The following CDK13 variants were observed in gnomAD, a reference collection of about 807,000 sequenced individuals.
CDK13 encodes cyclin dependent kinase 13, also known as cyclin-dependent kinase 13.
Under a neutral mutation model 137.6 loss-of-function variants are expected in CDK13, and 40 were observed. The ratio of observed to expected loss-of-function variants is 0.29; its 90% CI spans 0.23 to 0.38. The LOEUF (loss-of-function observed/expected upper bound fraction) is 0.38, where lower values mean the gene tolerates loss of function less well. CDK13 is among the 10% of genes least tolerant of loss of function. The pLI, the probability that CDK13 is intolerant of heterozygous loss-of-function variation, is 1.00. For missense variants in CDK13, 1,704 were observed against 1,951.8 expected, an observed-to-expected ratio of 0.87 and a Z score of 2.39; for synonymous variants, 869 against 760.1, an observed-to-expected ratio of 1.14 and a Z score of -2.36.
intron 7 of CDK13, among the ~76,000 whole-genome samples, chr7:40,050,957 A>G (rs182386670): frequency 6.6e-6 from 1 of 152,326 alleles, no homozygotes; most frequent in African/African-American, 2.4e-5. Context: ...TTATAAAGCC[A>G]AATTTTATAT....
intron 9 of CDK13, chr7:40,073,582 T>TTC (rs766573581): frequency 6.7e-6 from 1 of 150,306 alleles, no homozygotes; most frequent in East Asian, 1.9e-4. Flanking sequence ...TTCTTTTTCT[T>TTC]TTTCTTTCTT....
At chr7:39,977,636 C>G (rs1784137786) in intron 1 of CDK13, among the ~76,000 whole-genome samples, 1 of 152,148 alleles carries the variant, frequency 6.6e-6, no homozygotes, top group Non-Finnish European at 1.5e-5. Context: ...CTAGGCCTGA[C>G]ACTTCCTATA....
chr7:40,086,623 A>T (rs1448175090), intron 11 of CDK13, among the ~76,000 whole-genome samples: 1 of 152,184 alleles, frequency 6.6e-6, no homozygotes, highest in Non-Finnish European at 1.5e-5. Flanking sequence ...AATTGTGGGC[A>T]GTTTTGATAG....
chr7:40,056,826 A>G (rs1235844061), intron 7 of CDK13, among the ~76,000 whole-genome samples: 2 of 152,202 alleles, frequency 1.3e-5, no homozygotes, highest in East Asian at 1.9e-4. Flanking sequence ...TCCACCCCCT[A>G]CTGTAAGGTT....
At chr7:39,998,634 A>T (rs1033684878) in intron 3 of CDK13, 32 of 151,918 alleles carry the variant, frequency 2.1e-4, no homozygotes, top group African/African-American at 7.3e-4. Flanking sequence ...AAAATAAGAT[A>T]AAATAAAATA....
chr7:40,082,660 G>A (rs953958263), intron 11 of CDK13, among the ~76,000 whole-genome samples: 29 of 151,544 alleles, frequency 1.9e-4, no homozygotes, highest in Admixed American at 4.6e-4. Flanking sequence ...GCATGGTGGC[G>A]TGTGCCTGTA....
chr7:40,018,888 GA>G (rs571665081), intron 5 of CDK13, among the ~76,000 whole-genome samples: 2 of 151,624 alleles, frequency 1.3e-5, no homozygotes, highest in Non-Finnish European at 2.9e-5. Flanking sequence ...TATTAAAATT[GA>G]AAAAAAATTT....
chr7:40,031,468 G>A (rs1338259826), intron 5 of CDK13, among the ~76,000 whole-genome samples: 1 of 152,004 alleles, frequency 6.6e-6, no homozygotes, highest in Non-Finnish European at 1.5e-5. Flanking sequence ...GCTGCAGTGA[G>A]CCGAGATCAT....
chr7:40,068,896 A>T (rs1217308667), intron 9 of CDK13, among the ~76,000 whole-genome samples: 1 of 152,030 alleles, frequency 6.6e-6, no homozygotes, highest in Non-Finnish European at 1.5e-5. Flanking sequence ...TTTCTAGTTT[A>T]TATATTTCAG....
At position 40,094,245 on chromosome 7, in the gene CDK13, A is replaced by G; in HGVS notation, c.3804A>G (p.Pro1268=). The G allele has an allele frequency of 6.2e-7, 1 of 1,612,840 alleles. No individual in the cohort carries two copies. The highest frequency in any genetic ancestry group is 8.5e-7 in the Non-Finnish European group (1 of 1,179,544). The change falls in exon 14 of 14, where the codon CCA becomes CCG. Residue 1268 remains proline, a synonymous_variant. Transcript: ENST00000181839. ...DQRPPEPPEP[P]PVTEEDLDYR... ...GACCTCCCGAGCCTCCTGAACCACC[A>G]CCAGTCACTGAGGAAGATCTAGATT... is the stretch of plus-strand genomic sequence containing the variant.
rs963953333 is a variant in CDK13 at position 40,095,706 on chromosome 7, A to T, written c.*726A>T. The T allele has an allele frequency of 6.6e-6, 1 of 152,184 alleles. No homozygotes were observed. Among genetic ancestry groups the T allele is most frequent in the Non-Finnish European group, 1.5e-5 (1 of 68,024 alleles). The allele number at this position is 152,184 out of a possible 1,614,324, so 9.4% of individuals were successfully genotyped here. On this transcript the variant is annotated 3_prime_UTR_variant, in exon 14 of 14. Coordinates refer to ENST00000181839, the MANE Select transcript of CDK13 (RefSeq NM_003718.5). ...CAGGTAAGCTTAAGGTCTGAAAAAA[A>T]TAGTTAACTTTTACCCCCATTTGTC...
intron 1 of CDK13, among the ~76,000 whole-genome samples, chr7:39,953,250 A>G: frequency 6.6e-6 from 1 of 152,228 alleles, no homozygotes; most frequent in East Asian, 1.9e-4. Flanking sequence ...ATGTTAGTTG[A>G]TACCTTAGCG....
At chr7:39,980,290 A>G (rs568497342) in intron 1 of CDK13, among the ~76,000 whole-genome samples, 1 of 152,314 alleles carries the variant, frequency 6.6e-6, no homozygotes, top group South Asian at 2.1e-4. Context: ...ATGTTACAGG[A>G]GGGTATATTT....
At chr7:40,078,940 T>A (rs570664399) in intron 11 of CDK13, 89 bp downstream of exon 11, 4 of 430,536 alleles carry the variant, frequency 9.3e-6, no homozygotes, top group Non-Finnish European at 1.3e-5. Flanking sequence ...AATAAGATAT[T>A]TCATGTCTGG....
At chr7:40,047,586 AATC>A (rs1454292847) in intron 6 of CDK13, among the ~76,000 whole-genome samples, 1 of 151,926 alleles carries the variant, frequency 6.6e-6, no homozygotes, top group African/African-American at 2.4e-5. Flanking sequence ...TAATTATAAT[AATC>A]ATATTACTAT....
At chr7:40,078,685 GA>G (rs776962908) in intron 10 of CDK13, 34 bp from the exon 11 acceptor site, 5 of 1,359,614 alleles carry the variant, frequency 3.7e-6, no homozygotes, top group Non-Finnish European at 4.8e-6. Flanking sequence ...TGTGTCTAAA[GA>G]ACACATCTAA....
chr7:39,978,506 T>G (rs550794890), intron 1 of CDK13, among the ~76,000 whole-genome samples: 1 of 152,240 alleles, frequency 6.6e-6, no homozygotes. Context: ...AATATCAGTA[T>G]GTCATCATTT....
chr7:40,083,687 A>G (rs1157418432), intron 11 of CDK13, among the ~76,000 whole-genome samples: 1 of 152,180 alleles, frequency 6.6e-6, no homozygotes, highest in African/African-American at 2.4e-5. Context: ...ATTTTATCAG[A>G]ACACACCTGA....
intron 12 of CDK13, among the ~76,000 whole-genome samples, chr7:40,091,664 A>C (rs1786927600): frequency 6.6e-6 from 1 of 152,224 alleles, no homozygotes; most frequent in Non-Finnish European, 1.5e-5. Context: ...CCCTGAATTC[A>C]TATGGAGAGA....
Sources: gnomAD v4.1 joint callset for allele counts (sites outside exome capture counted in the v4.1 genomes callset) on GRCh38, gnomAD v4.1.1 for gene constraint, MANE v1.5 for transcripts, NCBI Gene and HGNC (gene_info 2026-07-23, HGNC 2026-07-21) for gene names.